ANK2: variants seen among roughly 807,000 people sequenced by gnomAD.
The protein encoded by ANK2 is ankyrin 2, also known as ankyrin-2.
A neutral mutation model predicts 360.5 loss-of-function variants in ANK2; 83 were observed. The observed-to-expected ratio is 0.23, with a 90% CI of 0.19 to 0.28. The LOEUF (loss-of-function observed/expected upper bound fraction) is 0.28, where lower values mean the gene tolerates loss of function less well. Ranked by LOEUF, ANK2 falls within the 10% of genes least tolerant of loss-of-function variation. ANK2 has a pLI of 1.00. For synonymous variants in ANK2, 1,740 were observed against 1,759.5 expected (o/e 0.99, Z 0.28); for missense variants, 4,201 against 4,795.7 (o/e 0.88, Z 3.66).
intron 37 of ANK2, among the ~76,000 whole-genome samples, chr4:113,352,705 T>G (rs1171173251): frequency 6.6e-6 from 1 of 152,182 alleles, no homozygotes; most frequent in Non-Finnish European, 1.5e-5. Flanking sequence ...TACCTCTGTG[T>G]AATTTCACTG....
At chr4:113,047,064 C>T (rs182716282), upstream of ANK2, among the ~76,000 whole-genome samples, 21 of 152,312 alleles carry the variant, frequency 1.4e-4, no homozygotes, top group Non-Finnish European at 2.4e-4. Flanking sequence ...GATCCAGTTA[C>T]GACAAAGGTT....
intron 4 of ANK2, among the ~76,000 whole-genome samples, chr4:113,226,183 G>A (rs1411940101): frequency 6.6e-6 from 1 of 152,084 alleles, no homozygotes; most frequent in Admixed American, 6.5e-5. Context: ...GTTTTCCAAT[G>A]TATCCTCCCC....
chr4:113,175,697 A>G (rs906830515), intron 2 of ANK2, among the ~76,000 whole-genome samples: 3 of 152,150 alleles, frequency 2.0e-5, no homozygotes, highest in African/African-American at 7.2e-5. Context: ...CCAAACTTCT[A>G]TGGCTACCCT....
At chr4:113,073,113 C>G (rs1580783851) in intron 1 of ANK2, among the ~76,000 whole-genome samples, 1 of 151,790 alleles carries the variant, frequency 6.6e-6, no homozygotes, top group African/African-American at 2.4e-5. Context: ...AGGCGCCCAC[C>G]ACCATGCCTG....
chr4:112,966,148 T>C (rs2154263354), intron 2 of ANK2, among the ~76,000 whole-genome samples: 1 of 151,924 alleles, frequency 6.6e-6, no homozygotes, highest in Middle Eastern at 4.3e-3. Flanking sequence ...TCAAACTACT[T>C]CAGAAAGAAA....
chr4:112,840,054 C>CA (rs2061777721), intron 1 of ANK2, among the ~76,000 whole-genome samples: 1 of 152,142 alleles, frequency 6.6e-6, no homozygotes, highest in African/African-American at 2.4e-5. Context: ...AGGTCTTGTG[C>CA]TATGTGCTGG....
chr4:113,323,421 T>A (rs571429918), intron 26 of ANK2, among the ~76,000 whole-genome samples: 87 of 152,342 alleles, frequency 5.7e-4, no homozygotes, highest in African/African-American at 1.9e-3. Flanking sequence ...CAAAACTGTG[T>A]CCATCAAATC....
chr4:113,044,442 G>C (rs1022716179), intron 2 of ANK2, among the ~76,000 whole-genome samples: 1 of 152,164 alleles, frequency 6.6e-6, no homozygotes, highest in African/African-American at 2.4e-5. Flanking sequence ...TAAATCTCAA[G>C]GCTGCAACCA....
At chr4:112,981,065 G>A (rs1305646933) in intron 2 of ANK2, among the ~76,000 whole-genome samples, 1 of 152,284 alleles carries the variant, frequency 6.6e-6, no homozygotes, top group East Asian at 1.9e-4. Flanking sequence ...TCACTACATC[G>A]TGCCTCAGGC....
At chr4:112,852,965 T>C (rs1190543846) in intron 1 of ANK2, among the ~76,000 whole-genome samples, 2 of 152,242 alleles carry the variant, frequency 1.3e-5, no homozygotes, top group African/African-American at 2.4e-5. Context: ...TTTGTTGTTA[T>C]TGTTGTTTTG....
chr4:113,081,320 A>G (rs531242992), intron 1 of ANK2, among the ~76,000 whole-genome samples: 65 of 152,292 alleles, frequency 4.3e-4, no homozygotes, highest in African/African-American at 1.5e-3. Flanking sequence ...CTAAATCATC[A>G]TTAATTTATT....
At chr4:112,949,612 A>G (rs1485914117) in intron 2 of ANK2, among the ~76,000 whole-genome samples, 1 of 152,238 alleles carries the variant, frequency 6.6e-6, no homozygotes, top group Non-Finnish European at 1.5e-5. Flanking sequence ...TATCTTGCTA[A>G]CCATTTAGAA....
At chr4:113,378,384 A>G (rs74408402) in intron 45 of ANK2, among the ~76,000 whole-genome samples, 1,953 of 152,260 alleles carry the variant, frequency 0.013, 42 homozygotes, top group African/African-American at 0.044. Context: ...CAAACATAAT[A>G]CTAAGTCATA....
chr4:112,897,023 A>G (rs1386215312), intron 1 of ANK2, among the ~76,000 whole-genome samples: 1 of 150,718 alleles, frequency 6.6e-6, no homozygotes, highest in Non-Finnish European at 1.5e-5. Context: ...TGTCCGGCGC[A>G]CTCTCCCCTC....
chr4:113,259,090 T>C (rs1336880323), intron 13 of ANK2, among the ~76,000 whole-genome samples: 1 of 152,222 alleles, frequency 6.6e-6, no homozygotes. Flanking sequence ...TTCTATGTAA[T>C]CTAAATTAGG....
At chr4:113,351,822 CAA>C (rs1040801421) in intron 37 of ANK2, among the ~76,000 whole-genome samples, 4 of 152,126 alleles carry the variant, frequency 2.6e-5, no homozygotes, top group African/African-American at 9.7e-5. Flanking sequence ...AATACAGACT[CAA>C]GTTTGCTTTT....
At chr4:113,269,106 A>G (rs2057434450) in intron 14 of ANK2, among the ~76,000 whole-genome samples, 1 of 152,000 alleles carries the variant, frequency 6.6e-6, no homozygotes, top group South Asian at 2.1e-4. Flanking sequence ...AGCCTCTGTA[A>G]TGGCGGACGC....
At chr4:112,823,669 T>C (rs529486828) in intron 1 of ANK2, among the ~76,000 whole-genome samples, 14 of 152,268 alleles carry the variant, frequency 9.2e-5, no homozygotes, top group South Asian at 6.2e-4. Context: ...ACCGATTCCA[T>C]TTAGGCAGAA....
At chr4:112,837,254 G>T (rs12504220) in intron 1 of ANK2, among the ~76,000 whole-genome samples, 88,793 of 152,128 alleles carry the variant, frequency 0.58, 26,851 homozygotes, top group East Asian at 0.93. Flanking sequence ...CCTTGGCAAC[G>T]TCCATGTGGT....
Sources: allele counts gnomAD v4.1 joint callset (sites outside exome capture counted in the v4.1 genomes callset), GRCh38; gene constraint gnomAD v4.1.1; transcripts MANE v1.5; gene names NCBI Gene and HGNC (gene_info 2026-07-23, HGNC 2026-07-21).